The following PIK3C2G variants were observed in gnomAD, a reference collection of about 807,000 sequenced individuals.
PIK3C2G encodes the protein phosphatidylinositol 3-kinase C2 domain-containing subunit gamma.
A neutral mutation model predicts 181.1 loss-of-function variants in PIK3C2G; 168 were observed. The observed-to-expected ratio is 0.93, with a 90% CI of 0.82 to 1.05. The LOEUF is 1.05. Ranked by LOEUF, PIK3C2G falls within the 50% of genes least tolerant of loss-of-function variation. PIK3C2G has a pLI of 0.00. For synonymous variants in PIK3C2G, 573 were observed against 592.2 expected, an observed-to-expected ratio of 0.97 and a Z score of 0.47; for missense variants, 1,869 against 1,732.8, an observed-to-expected ratio of 1.08 and a Z score of -1.40.
At chr12:18,411,134 T>G (rs890063138) in intron 16 of PIK3C2G, among the ~76,000 whole-genome samples, 1 of 152,164 alleles carries the variant, frequency 6.6e-6, no homozygotes, top group Non-Finnish European at 1.5e-5. Context: ...TGCTTACTAT[T>G]AAATATCTTT....
chr12:18,672,058 C>T, the PIK3C2G span, among the ~76,000 whole-genome samples: 15,868 of 152,084 alleles, frequency 0.1, 1,060 homozygotes, highest in African/African-American at 0.19. Flanking sequence ...TTTGAGGATT[C>T]GATTTCAGCA....
At chr12:18,581,725 A>AG (rs34456721) in intron 29 of PIK3C2G, among the ~76,000 whole-genome samples, 1 of 152,184 alleles carries the variant, frequency 6.6e-6, no homozygotes, top group African/African-American at 2.4e-5. Flanking sequence ...TCTCAAGTTT[A>AG]GGGGGGAAGT....
At chr12:18,330,566 A>C (rs1402045903) in intron 8 of PIK3C2G, among the ~76,000 whole-genome samples, 4 of 151,996 alleles carry the variant, frequency 2.6e-5, no homozygotes, top group Admixed American at 6.6e-5. Flanking sequence ...CTTTTCATGG[A>C]ATTATTGCTC....
intron 31 of PIK3C2G, among the ~76,000 whole-genome samples, chr12:18,611,681 C>G (rs1049697677): frequency 1.3e-5 from 2 of 151,996 alleles, no homozygotes; most frequent in Non-Finnish European, 2.9e-5. Context: ...GTAAATAGCA[C>G]CTTCATTCTC....
chr12:18,375,745 G>A (rs1182758506), intron 13 of PIK3C2G, among the ~76,000 whole-genome samples: 4 of 152,230 alleles, frequency 2.6e-5, no homozygotes, highest in Admixed American at 1.3e-4. Context: ...AGGCCTAGGA[G>A]GAAAGAATGG....
At chr12:18,333,156 CT>C (rs1479556038) in intron 8 of PIK3C2G, among the ~76,000 whole-genome samples, 1 of 152,134 alleles carries the variant, frequency 6.6e-6, no homozygotes, top group Non-Finnish European at 1.5e-5. Flanking sequence ...GCAGTTTTCA[CT>C]GTGTAGTTTG....
the PIK3C2G span, chr12:18,723,450 A>G: frequency 3.7e-6 from 6 of 1,612,858 alleles, no homozygotes; most frequent in Middle Eastern, 1.6e-4. Context: ...ATGTGTTGAA[A>G]ATCTCAATAA....
the PIK3C2G span, chr12:18,683,305 CAG>C: frequency 1.9e-6 from 3 of 1,612,414 alleles, no homozygotes; most frequent in Non-Finnish European, 2.5e-6. Context: ...TTCTGGAAAA[CAG>C]AGGAATACGA....
chr12:18,518,392 A>T (rs994176228), intron 24 of PIK3C2G, among the ~76,000 whole-genome samples: 10 of 152,162 alleles, frequency 6.6e-5, no homozygotes, highest in African/African-American at 2.2e-4. Flanking sequence ...TAGGCTATTA[A>T]TTACTGCCTC....
intron 17 of PIK3C2G, 32 bp from the exon 18 acceptor site, chr12:18,423,913 G>A: frequency 7.2e-7 from 1 of 1,381,544 alleles, no homozygotes. Context: ...TTTTGTTACT[G>A]AGAAGTAAAG....
chr12:18,601,964 G>T (rs971852188), intron 30 of PIK3C2G, among the ~76,000 whole-genome samples: 1 of 152,100 alleles, frequency 6.6e-6, no homozygotes, highest in Non-Finnish European at 1.5e-5. Context: ...CAGAGGAGGG[G>T]GTAAAACTGC....
chr12:18,630,212 G>A (rs1040952020), intron 31 of PIK3C2G, among the ~76,000 whole-genome samples: 1 of 152,076 alleles, frequency 6.6e-6, no homozygotes, highest in African/African-American at 2.4e-5. Flanking sequence ...CCAACATGGT[G>A]AAACCCTGTC....
At chr12:18,336,220 C>A (rs112233069) in intron 8 of PIK3C2G, among the ~76,000 whole-genome samples, 299 of 152,118 alleles carry the variant, frequency 2.0e-3, no homozygotes, top group African/African-American at 7.0e-3. Flanking sequence ...TTAATCTTTA[C>A]AGAAACTTAT....
chr12:18,520,547 G>A (rs903359955), intron 24 of PIK3C2G, among the ~76,000 whole-genome samples: 1 of 152,056 alleles, frequency 6.6e-6, no homozygotes, highest in Non-Finnish European at 1.5e-5. Flanking sequence ...TTCTTGTGCT[G>A]TATTTTTCAG....
intron 5 of PIK3C2G, among the ~76,000 whole-genome samples, chr12:18,302,844 G>C (rs11044016): frequency 0.059 from 9,027 of 152,110 alleles, 403 homozygotes; most frequent in Non-Finnish European, 0.092. Flanking sequence ...CAGCCCCACG[G>C]ATATGTTTGG....
chr12:18,425,444 TG>T (rs1375850048), intron 18 of PIK3C2G, among the ~76,000 whole-genome samples: 2 of 138,122 alleles, frequency 1.4e-5, no homozygotes, highest in African/African-American at 2.8e-5. Flanking sequence ...CAGGCTGGAG[TG>T]CAGTGGTGCA....
chr12:18,601,841 G>A (rs911607022), intron 30 of PIK3C2G, among the ~76,000 whole-genome samples: 7 of 152,064 alleles, frequency 4.6e-5, no homozygotes, highest in African/African-American at 1.2e-4. Flanking sequence ...TTAGAGAGCC[G>A]GGCTTAGGGA....
chr12:18,537,937 T>C (rs898194257), intron 24 of PIK3C2G, among the ~76,000 whole-genome samples: 5 of 152,058 alleles, frequency 3.3e-5, no homozygotes, highest in African/African-American at 4.8e-5. Flanking sequence ...ATAGTTGACA[T>C]TGTAAAATAT....
the PIK3C2G span, among the ~76,000 whole-genome samples, chr12:18,718,298 C>T: frequency 2.6e-5 from 4 of 152,172 alleles, no homozygotes; most frequent in Non-Finnish European, 5.9e-5. Context: ...ACCTGCACTG[C>T]TACACCATCT....
Sources: allele counts gnomAD v4.1 joint callset (sites outside exome capture counted in the v4.1 genomes callset), GRCh38; gene constraint gnomAD v4.1.1; transcripts MANE v1.5; gene names NCBI Gene and HGNC (gene_info 2026-07-23, HGNC 2026-07-21).